Variants in LIMCH1 observed in about 807,000 individuals in gnomAD.
The protein encoded by LIMCH1 is LIM and calponin homology domains 1.
A neutral mutation model predicts 176.5 loss-of-function variants in LIMCH1; 113 were observed. The ratio of observed to expected loss-of-function variants is 0.64; its 90% confidence interval spans 0.55 to 0.75. LIMCH1 has a LOEUF of 0.75. Ranked by LOEUF, LIMCH1 falls within the 30% of genes least tolerant of loss-of-function variation. LIMCH1 has a pLI of 0.00. For synonymous variants in LIMCH1, 619 were observed against 645.9 expected (o/e 0.96, Z 0.63); for missense variants, 1,674 against 1,814.9 (o/e 0.92, Z 1.41).
intron 1 of LIMCH1, among the ~76,000 whole-genome samples, chr4:41,457,457 T>C (rs963175886): frequency 2.0e-5 from 3 of 152,068 alleles, no homozygotes; most frequent in Non-Finnish European, 1.5e-5. Context: ...TTTTGAGCAT[T>C]TTTTCTGTCC....
At chr4:41,608,847 C>T (rs1057471824) in intron 4 of LIMCH1, among the ~76,000 whole-genome samples, 1 of 152,114 alleles carries the variant, frequency 6.6e-6, no homozygotes, top group African/African-American at 2.4e-5. Context: ...CTGGAGATTT[C>T]AGGATCTTTC....
intron 31 of LIMCH1, 23 bp downstream of exon 31, chr4:41,692,407 C>G: frequency 7.0e-7 from 1 of 1,431,772 alleles, no homozygotes; most frequent in Non-Finnish European, 9.9e-7. Context: ...GAGAATGCCT[C>G]ATGATGACCG....
At chr4:41,631,509 T>A in intron 10 of LIMCH1, 32 bp downstream of exon 10, 1 of 1,448,022 alleles carries the variant, frequency 6.9e-7, no homozygotes, top group Non-Finnish European at 9.1e-7. Flanking sequence ...CAAGGATATC[T>A]GCATGGGAGT....
chr4:41,433,301 G>T (rs951052040), intron 1 of LIMCH1, among the ~76,000 whole-genome samples: 7 of 152,128 alleles, frequency 4.6e-5, no homozygotes. Context: ...CCAGTTTTGG[G>T]GGGGAAACAC....
chr4:41,601,114 A>T (rs1308942242), intron 2 of LIMCH1, among the ~76,000 whole-genome samples: 1 of 151,974 alleles, frequency 6.6e-6, no homozygotes, highest in Non-Finnish European at 1.5e-5. Context: ...GGCATTTTTC[A>T]TTCATTCATT....
intron 1 of LIMCH1, among the ~76,000 whole-genome samples, chr4:41,585,257 A>G (rs2086233864): frequency 6.6e-6 from 1 of 152,184 alleles, no homozygotes; most frequent in Non-Finnish European, 1.5e-5. Flanking sequence ...GTCTCTATGA[A>G]TTTGACTACT....
chr4:41,601,677 T>C (rs1181949011), intron 2 of LIMCH1, among the ~76,000 whole-genome samples: 1 of 152,226 alleles, frequency 6.6e-6, no homozygotes, highest in Admixed American at 6.5e-5. Context: ...AAGAATTTTA[T>C]CTTAAAATGA....
In LIMCH1 at chr4:41,633,027, C is replaced by G. The variant is rs564411667; in HGVS notation, c.1771C>G (p.Pro591Ala). 1 of 1,536,050 alleles carries G rather than the reference C, an allele frequency of 6.5e-7. No homozygotes were observed. The highest frequency in any genetic ancestry group is 1.2e-5 in the South Asian group (1 of 84,050). The change falls in exon 12 of 32, where the codon CCA (proline) becomes GCA (alanine). Residue 591 changes from proline to alanine, a missense_variant. Transcript: ENST00000503057. ...QDGKEETESA[P>A]RDSERLSKAE... ...TGGCAAAGAAGAAACAGAAAGCGCTCCAAGAGATTCTGAGAGGCTGTCAAA... is the reference window on the plus strand; with the variant it reads ...TGGCAAAGAAGAAACAGAAAGCGCTGCAAGAGATTCTGAGAGGCTGTCAAA...
chr4:41,527,515 C>T (rs553041768), intron 3 of LIMCH1, among the ~76,000 whole-genome samples: 289 of 152,300 alleles, frequency 1.9e-3, no homozygotes, highest in Middle Eastern at 6.8e-3. Context: ...TCCTCTTCAC[C>T]ACTGTCAGCG....
intron 1 of LIMCH1, among the ~76,000 whole-genome samples, chr4:41,402,937 T>A (rs572884746): frequency 1.3e-5 from 2 of 150,056 alleles, no homozygotes; most frequent in South Asian, 2.1e-4. Flanking sequence ...GTAACTAACC[T>A]GCACATTGTG....
At chr4:41,362,188 C>T (rs1322714756) in intron 1 of LIMCH1, among the ~76,000 whole-genome samples, 1 of 152,196 alleles carries the variant, frequency 6.6e-6, no homozygotes, top group Non-Finnish European at 1.5e-5. Flanking sequence ...AACCTGCTTC[C>T]CGCAAGCAAG....
intron 18 of LIMCH1, among the ~76,000 whole-genome samples, chr4:41,655,724 A>G (rs540684132): frequency 5.2e-4 from 78 of 150,902 alleles, no homozygotes; most frequent in African/African-American, 1.4e-3. Context: ...GGGTCTCACT[A>G]TATCACCCAA....
At chr4:41,548,748 C>T (rs1032598422) in intron 1 of LIMCH1, among the ~76,000 whole-genome samples, 6 of 152,124 alleles carry the variant, frequency 3.9e-5, no homozygotes, top group Non-Finnish European at 7.4e-5. Flanking sequence ...ATCCCCATCT[C>T]GTTTTTTCCT....
At chr4:41,435,435 C>A (rs1582123549) in intron 1 of LIMCH1, among the ~76,000 whole-genome samples, 1 of 152,142 alleles carries the variant, frequency 6.6e-6, no homozygotes, top group Non-Finnish European at 1.5e-5. Flanking sequence ...AATTTCCTAC[C>A]CCTAGAACTG....
chr4:41,550,225 T>A (rs1476265226), intron 1 of LIMCH1, among the ~76,000 whole-genome samples: 1 of 151,588 alleles, frequency 6.6e-6, no homozygotes, highest in Non-Finnish European at 1.5e-5. Context: ...AGAATCTAAT[T>A]GGTTAATTTT....
chr4:41,546,474 C>T (rs2079415305), intron 1 of LIMCH1, among the ~76,000 whole-genome samples: 1 of 151,684 alleles, frequency 6.6e-6, no homozygotes, highest in East Asian at 1.9e-4. Context: ...AATCCTTGGG[C>T]AGCTGTTTAT....
chr4:41,464,164 A>G (rs2065769512), intron 1 of LIMCH1, among the ~76,000 whole-genome samples: 3 of 151,174 alleles, frequency 2.0e-5, no homozygotes, highest in Admixed American at 2.0e-4. Context: ...ATCTCTAGCC[A>G]GTTATCTCTG....
At chr4:41,657,982 T>C (rs75667868) in intron 18 of LIMCH1, among the ~76,000 whole-genome samples, 16,557 of 152,142 alleles carry the variant, frequency 0.11, 1,214 homozygotes, top group Middle Eastern at 0.26. Context: ...ACAAGACTCT[T>C]AGGTGATAGA....
chr4:41,551,560 C>T (rs1469003667), intron 1 of LIMCH1, among the ~76,000 whole-genome samples: 2 of 151,974 alleles, frequency 1.3e-5, no homozygotes, highest in African/African-American at 2.4e-5. Context: ...TGGATGAAGC[C>T]GAGGTCAAGG....
Sources: gnomAD v4.1 joint callset for allele counts (sites outside exome capture counted in the v4.1 genomes callset) on GRCh38, gnomAD v4.1.1 for gene constraint, MANE v1.5 for transcripts, NCBI Gene and HGNC (gene_info 2026-07-23, HGNC 2026-07-21) for gene names.